Variants in GALNT18 observed in about 807,000 individuals in gnomAD.
GALNT18 encodes GalNAc-transferase 18.
A neutral mutation model predicts 69.5 loss-of-function variants in GALNT18; 44 were observed. The observed-to-expected ratio is 0.63, with a 90% CI of 0.50 to 0.81. The LOEUF is 0.81. Ranked by LOEUF, GALNT18 falls within the 40% of genes least tolerant of loss-of-function variation. GALNT18 has a pLI of 0.00. For synonymous variants in GALNT18, 364 were observed against 318.2 expected (o/e 1.14, Z -1.53); for missense variants, 715 against 810.0 (o/e 0.88, Z 1.42).
rs79556314 is a variant in GALNT18 at position 11,337,488 on chromosome 11, T to G, written c.1278+3331A>C. Among the ~76,000 whole-genome samples, 8,161 of 152,204 alleles carry G rather than the reference T, an allele frequency of 0.054. 256 individuals are homozygous for G. Among genetic ancestry groups the G allele is most frequent in the East Asian group, 0.17 (861 of 5,168 alleles). On this transcript the variant is annotated intron_variant, in intron 7 of 10. Transcript: ENST00000227756. This position sits in a 1 kb window ranked among gnomAD's most constrained non-coding sequence, Gnocchi z 4.9. ...TGTGGGGGTGGAACCCAACTGATTT[T>G]GAAGTTCAGCCAGATTTGAAAGCCA...
At chr11:11,394,405 G>C (rs1854273210) in intron 3 of GALNT18, among the ~76,000 whole-genome samples, 1 of 152,164 alleles carries the variant, frequency 6.6e-6, no homozygotes, top group African/African-American at 2.4e-5. Flanking sequence ...GAGTGGTAGA[G>C]AGATTGTGAG....
In GALNT18 at chr11:11,540,321, C is replaced by A. The variant is rs1857884714; in HGVS notation, c.235+81038G>T. Among the ~76,000 whole-genome samples, 1 of 152,124 alleles carries A rather than the reference C, an allele frequency of 6.6e-6. No homozygotes were observed. Among genetic ancestry groups the A allele is most frequent in the African/African-American group, 2.4e-5 (1 of 41,404 alleles). ...GATAAATGTTTTTCTTCGTCGTTGC[C>A]ATGGAAACTTGTGACTCCTACATCC... On this transcript the variant is annotated intron_variant, in intron 1 of 10. Transcript: ENST00000227756. The surrounding 1 kb of genome is among the most constrained non-coding windows in gnomAD (Gnocchi z 4.6).
chr11:11,274,564 ATTGTACTTT>A (rs1040239860), intron 10 of GALNT18, among the ~76,000 whole-genome samples: 2 of 152,132 alleles, frequency 1.3e-5, no homozygotes, highest in African/African-American at 4.8e-5. Flanking sequence ...ATTTTTTATT[ATTGTACTTT>A]AAGTTCTGAG....
chr11:11,271,373 G>T, intron 10 of GALNT18, 83 bp from the exon 11 acceptor site: 1 of 1,421,842 alleles, frequency 7.0e-7, no homozygotes, highest in Non-Finnish European at 9.8e-7. Flanking sequence ...AGTGGCTGGT[G>T]AGGGCTGACA....
chr11:11,501,945 G>T (rs141814912), intron 1 of GALNT18, among the ~76,000 whole-genome samples: 6 of 152,212 alleles, frequency 3.9e-5, no homozygotes, highest in African/African-American at 9.6e-5. Flanking sequence ...TTGCTTCTAC[G>T]TTGCTTGCTC....
intron 6 of GALNT18, among the ~76,000 whole-genome samples, chr11:11,345,804 C>G (rs971081201): frequency 6.6e-6 from 1 of 152,116 alleles, no homozygotes; most frequent in Non-Finnish European, 1.5e-5. Flanking sequence ...GGGTTGGAAA[C>G]AGAGAAGGCA....
intron 6 of GALNT18, among the ~76,000 whole-genome samples, chr11:11,363,315 C>T (rs1366838909): frequency 6.6e-6 from 1 of 152,076 alleles, no homozygotes; most frequent in East Asian, 1.9e-4. Context: ...AATGAAACAA[C>T]TGATCATACT....
At chr11:11,365,618 G>T (rs978925476) in intron 6 of GALNT18, among the ~76,000 whole-genome samples, 1 of 152,146 alleles carries the variant, frequency 6.6e-6, no homozygotes, top group African/African-American at 2.4e-5. Context: ...CAGTGTATAA[G>T]CATTCCTATT....
chr11:11,450,157 T>A (rs917418626), intron 1 of GALNT18, among the ~76,000 whole-genome samples: 1 of 152,168 alleles, frequency 6.6e-6, no homozygotes, highest in African/African-American at 2.4e-5. Context: ...GAGCCTGGAA[T>A]GAGACAGTGA....
intron 1 of GALNT18, among the ~76,000 whole-genome samples, chr11:11,589,963 T>C (rs1322635062): frequency 6.6e-6 from 1 of 152,222 alleles, no homozygotes; most frequent in Non-Finnish European, 1.5e-5. Context: ...TGAGAGGCCC[T>C]GCAAAGAATC....
intron 2 of GALNT18, among the ~76,000 whole-genome samples, chr11:11,434,285 A>G (rs1375098207): frequency 1.3e-5 from 2 of 152,146 alleles, no homozygotes; most frequent in East Asian, 1.9e-4. Flanking sequence ...TCTACTTCGT[A>G]CTTGTGATTT....
In GALNT18 at chr11:11,454,302, G is replaced by A. The variant is rs527687589; in HGVS notation, c.236-5366C>T. On this transcript the variant is annotated intron_variant, in intron 1 of 10. Coordinates refer to ENST00000227756, the MANE Select transcript of GALNT18 (RefSeq NM_198516.3). This position sits in a 1 kb window ranked among gnomAD's most constrained non-coding sequence, Gnocchi z 4.2. Reference sequence around the variant, plus strand: ...CACGGCATGTTTAAGAGCTTCTCAGGTAGTTCCACAAAATACGGTCAGTGG... The same window carrying A: ...CACGGCATGTTTAAGAGCTTCTCAGATAGTTCCACAAAATACGGTCAGTGG... 6.6e-6 allele frequency among the ~76,000 whole-genome samples: 1 copy of A among 152,238 alleles called. No individual in the cohort carries two copies. Among genetic ancestry groups the A allele is most frequent in the African/African-American group, 2.4e-5 (1 of 41,538 alleles).
intron 1 of GALNT18, among the ~76,000 whole-genome samples, chr11:11,608,446 G>A (rs567019210): frequency 5.9e-5 from 9 of 151,686 alleles, no homozygotes; most frequent in Non-Finnish European, 1.0e-4. Context: ...TGCAACCTCC[G>A]CCTCCCAGGT....
At position 11,432,778 on chromosome 11, in the gene GALNT18, G is replaced by C. The variant is rs201934544; in HGVS notation, c.438C>G (p.Asn146Lys). The part of the protein sequence containing the change: ...LPDLRPSGCR[N>K]LSFPDSLPEV... ...CTGGCAGGCTGTCAGGAAATGAGAG[G>C]TTACGGCACCTGCAAAGAACAGCCA... The change falls in exon 3 of 11, where the codon AAC (asparagine) becomes AAG (lysine). Residue 146 changes from asparagine (N) to lysine (K), a missense_variant. Physicochemically the swap from Asn to Lys is moderately conservative, Grantham distance 94 (BLOSUM62 0). Coordinates refer to ENST00000227756, the MANE Select transcript of GALNT18 (RefSeq NM_198516.3). The surrounding 1 kb of genome is among the most constrained non-coding windows in gnomAD (Gnocchi z 5.8). 194 of 1,613,644 alleles carry C rather than the reference G, an allele frequency of 1.2e-4. No homozygotes were observed. Among genetic ancestry groups the C allele is most frequent in the Non-Finnish European group, 1.6e-4 (191 of 1,179,750 alleles).
chr11:11,347,186 C>G lies in GALNT18; in HGVS notation c.1093-6182G>C, dbSNP rs189981199. Reference sequence around the variant, plus strand: ...AGCTGGACTCAATGTTGTCTTAGGTCCCCTCTACTTTTTGTATTCTGTGAT... The same window carrying G: ...AGCTGGACTCAATGTTGTCTTAGGTGCCCTCTACTTTTTGTATTCTGTGAT... On this transcript the variant is annotated intron_variant, in intron 6 of 10. Coordinates refer to ENST00000227756, the MANE Select transcript of GALNT18 (RefSeq NM_198516.3). This position sits in a 1 kb window ranked among gnomAD's most constrained non-coding sequence, Gnocchi z 4.0. Among the ~76,000 whole-genome samples, 230 of 152,292 alleles carry G rather than the reference C, an allele frequency of 1.5e-3. No individual in the cohort carries two copies. The highest frequency in any genetic ancestry group is 2.4e-3 in the Non-Finnish European group (166 of 68,016).
At chr11:11,458,507 C>T (rs961431418) in intron 1 of GALNT18, among the ~76,000 whole-genome samples, 5 of 152,180 alleles carry the variant, frequency 3.3e-5, no homozygotes, top group African/African-American at 9.7e-5. Context: ...TTTCTCTTGT[C>T]GGCTTTCAGT....
At position 11,501,066 on chromosome 11, in the gene GALNT18, G is replaced by A. The variant is rs192163748; in HGVS notation, c.236-52130C>T. On this transcript the variant is annotated intron_variant, in intron 1 of 10. Coordinates refer to ENST00000227756, the MANE Select transcript of GALNT18 (RefSeq NM_198516.3). ...GGCAGCACCTCTGAGACGCCCTCTC[G>A]TTTCCACTCACAGAGATAAAAAATG... Among the ~76,000 whole-genome samples the A allele has an allele frequency of 1.8e-3, 281 of 152,302 alleles. 2 individuals are homozygous for A. The highest frequency in any genetic ancestry group is 6.3e-3 in the African/African-American group (261 of 41,566).
At position 11,340,801 on chromosome 11, in the gene GALNT18, C is replaced by T; in HGVS notation, c.1278+18G>A. ...TCCACCAATCCCCGAGAAACTCATCCCTACCGGAGATCCCTACCTCCTGCG... is the reference window on the plus strand; with the variant it reads ...TCCACCAATCCCCGAGAAACTCATCTCTACCGGAGATCCCTACCTCCTGCG... On this transcript the variant is annotated intron_variant, in intron 7 of 10. Transcript: ENST00000227756. This position sits in a 1 kb window ranked among gnomAD's most constrained non-coding sequence, Gnocchi z 4.2. The T allele has an allele frequency of 2.5e-6, 4 of 1,585,298 alleles. No individual in the cohort carries two copies. The South Asian group carries it at 3.4e-5, about 14-fold the overall frequency.
At position 11,432,046 on chromosome 11, in the gene GALNT18, T is replaced by C. The variant is rs150080278; in HGVS notation, c.595+575A>G. Among the ~76,000 whole-genome samples the C allele has an allele frequency of 6.6e-6, 1 of 152,306 alleles. No homozygotes were observed. Among genetic ancestry groups the C allele is most frequent in the East Asian group, 1.9e-4 (1 of 5,184 alleles). ...GATTTGATGGCTTCAACAAGGTGTT[T>C]GCAGGCCACCCAGGGTCTGGCTAGG... On this transcript the variant is annotated intron_variant, in intron 3 of 10. Transcript: ENST00000227756. This position sits in a 1 kb window ranked among gnomAD's most constrained non-coding sequence, Gnocchi z 5.8.
Sources: allele counts gnomAD v4.1 joint callset (sites outside exome capture counted in the v4.1 genomes callset), GRCh38; gene constraint gnomAD v4.1.1; non-coding constraint Gnocchi (gnomAD v3.1); transcripts MANE v1.5; gene names NCBI Gene and HGNC (gene_info 2026-07-23, HGNC 2026-07-21).